Variants in MID1 observed in about 807,000 individuals in gnomAD.
The protein encoded by MID1 is E3 ubiquitin-protein ligase Midline-1.
Under a neutral mutation model 40.4 loss-of-function variants are expected in MID1, and 7 were observed. The ratio of observed to expected loss-of-function variants is 0.17; its 90% CI spans 0.10 to 0.33. The LOEUF (loss-of-function observed/expected upper bound fraction) is 0.33, where lower values mean the gene tolerates loss of function less well. Ranked by LOEUF, MID1 falls within the 10% of genes least tolerant of loss-of-function variation. The pLI is 1.00. For synonymous variants in MID1, 229 were observed against 221.2 expected (o/e 1.04, Z -0.31); for missense variants, 367 against 558.5 (o/e 0.66, Z 3.46).
intron 2 of MID1, among the ~76,000 whole-genome samples, chrX:10,526,467 T>A (rs1932835166): frequency 8.9e-6 from 1 of 111,787 alleles, no homozygotes; most frequent in South Asian, 3.7e-4. Context: ...TTGTCAACTT[T>A]TTTGGTATGT....
At chrX:10,812,879 C>A (rs771645527) in intron 1 of MID1, among the ~76,000 whole-genome samples, 14 of 111,048 alleles carry the variant, frequency 1.3e-4, no homozygotes, top group Non-Finnish European at 2.5e-4. Context: ...GCCACTCTCC[C>A]TGTGTGTTTT....
chrX:10,456,839 A>AAAAAT lies in MID1; in HGVS notation c.1448-1767_1448-1763dup, dbSNP rs1354852880. On this transcript the variant is annotated intron_variant, in intron 8 of 9. Transcript: ENST00000317552. Reference sequence around the variant, plus strand: ...GCAACAGAGTGAGGCACTGTCTCAAAAAAATAACAATAAAAAAGAAAAGAA... The same window carrying AAAAAT: ...GCAACAGAGTGAGGCACTGTCTCAAAAAAATAAAATAACAATAAAAAAGAAAAGAA... Among the ~76,000 whole-genome samples, 6 of 111,270 alleles carry AAAAAT rather than the reference A, an allele frequency of 5.4e-5. No homozygotes were observed. The East Asian group carries it at 1.7e-3, about 31-fold the overall frequency.
chrX:10,459,584 CAG>C, intron 8 of MID1, 60 bp downstream of exon 8: 1 of 1,130,947 alleles, frequency 8.8e-7, no homozygotes, highest in African/African-American at 1.8e-5. Flanking sequence ...GAAAGGGGGA[CAG>C]AGTCAGCTGA....
intron 1 of MID1, among the ~76,000 whole-genome samples, chrX:10,695,650 T>TA (rs2043158386): frequency 1.8e-5 from 2 of 112,095 alleles, no homozygotes; most frequent in Non-Finnish European, 3.8e-5. Context: ...CCTTGTCAAT[T>TA]AAACTCTTTC....
chrX:10,692,601 G>A (rs2043138378), intron 1 of MID1, among the ~76,000 whole-genome samples: 1 of 110,004 alleles, frequency 9.1e-6, no homozygotes, highest in South Asian at 3.9e-4. Context: ...CGGGCAACAA[G>A]AATGAAACTC....
intron 1 of MID1, among the ~76,000 whole-genome samples, chrX:10,588,560 T>G (rs776330999): frequency 6.6e-4 from 74 of 111,458 alleles, no homozygotes; most frequent in African/African-American, 1.8e-3. Flanking sequence ...TACTGTTGTT[T>G]TTTTTTTTAA....
At chrX:10,642,966 G>A (rs1936218460) in intron 1 of MID1, among the ~76,000 whole-genome samples, 1 of 111,719 alleles carries the variant, frequency 9.0e-6, no homozygotes, top group African/African-American at 3.3e-5. Context: ...GCCATATGTA[G>A]AAAGCTGAAA....
At chrX:10,490,007 T>C (rs1401615231) in intron 4 of MID1, among the ~76,000 whole-genome samples, 1 of 112,057 alleles carries the variant, frequency 8.9e-6, no homozygotes, top group Non-Finnish European at 1.9e-5. Flanking sequence ...TTTTTCAAAG[T>C]TTTAAATGAT....
chrX:10,718,893 A>G (rs1234309693), intron 1 of MID1, among the ~76,000 whole-genome samples: 2 of 112,175 alleles, frequency 1.8e-5, no homozygotes, highest in East Asian at 5.5e-4. Flanking sequence ...CAGGTTCAAC[A>G]TACGCAAATC....
At chrX:10,540,798 T>C (rs1268245574) in intron 2 of MID1, among the ~76,000 whole-genome samples, 2 of 112,009 alleles carry the variant, frequency 1.8e-5, no homozygotes, top group East Asian at 2.8e-4. Context: ...CAGGTTGCTC[T>C]CCCTCCCCAT....
At chrX:10,795,828 A>G (rs889631577) in intron 1 of MID1, among the ~76,000 whole-genome samples, 3 of 112,424 alleles carry the variant, frequency 2.7e-5, no homozygotes, top group Non-Finnish European at 5.6e-5. Context: ...AAGGCCATTA[A>G]TCAGCAAACA....
chrX:10,804,443 G>A lies in MID1; in HGVS notation c.-187+29111C>T, dbSNP rs1190889780. ...TTATGTTGATCTGGCTAGGGGTTAT[G>A]CATGTTTACTGTTTGCTGTAGCTGT... is the stretch of plus-strand genomic sequence containing the variant. On this transcript the variant is annotated intron_variant, in intron 1 of 10. Coordinates refer to the MID1 transcript ENST00000380785. 4.5e-5 allele frequency among the ~76,000 whole-genome samples: 5 copies of A among 111,965 alleles called. No individual in the cohort carries two copies. The East Asian group carries it at 8.5e-4, about 19-fold the overall frequency.
intron 1 of MID1, chrX:10,582,933 AT>A (rs1569115393): frequency 8.9e-6 from 1 of 112,303 alleles, no homozygotes; most frequent in Non-Finnish European, 1.9e-5. Flanking sequence ...TTATTAAAAA[AT>A]ATTAATAAAA....
intron 2 of MID1, among the ~76,000 whole-genome samples, chrX:10,539,215 C>T (rs1160000434): frequency 1.8e-5 from 2 of 112,021 alleles, no homozygotes; most frequent in Non-Finnish European, 3.8e-5. Flanking sequence ...GGAAACTGTA[C>T]TATCAAGATA....
intron 1 of MID1, among the ~76,000 whole-genome samples, chrX:10,817,570 T>G (rs866709530): frequency 1.1e-5 from 1 of 88,305 alleles, no homozygotes; most frequent in Non-Finnish European, 2.2e-5. Flanking sequence ...CTTTCTTTCT[T>G]TCTCTCTTTC....
At chrX:10,453,129 T>C (rs1928446882) in intron 9 of MID1, among the ~76,000 whole-genome samples, 2 of 111,624 alleles carry the variant, frequency 1.8e-5, no homozygotes, top group Non-Finnish European at 3.8e-5. Flanking sequence ...TCTGGCAGGA[T>C]GTTGGAACAG....
intron 1 of MID1, among the ~76,000 whole-genome samples, chrX:10,673,073 G>A (rs2042998950): frequency 8.9e-6 from 1 of 111,931 alleles, no homozygotes; most frequent in South Asian, 3.8e-4. Context: ...AGATAGTGCT[G>A]ACTAAATAAT....
chrX:10,589,630 T>C (rs1935232368), intron 1 of MID1: 3 of 111,371 alleles, frequency 2.7e-5, no homozygotes, highest in South Asian at 3.9e-4. Context: ...TCCTTCCCAG[T>C]GTTCAGCCAC....
chrX:10,520,731 T>C (rs1165143197), intron 3 of MID1, among the ~76,000 whole-genome samples: 1 of 111,654 alleles, frequency 9.0e-6, no homozygotes, highest in Non-Finnish European at 1.9e-5. Context: ...TGCAAATTCA[T>C]CTAAAACAAA....
Sources: allele counts gnomAD v4.1 joint callset (sites outside exome capture counted in the v4.1 genomes callset), GRCh38; gene constraint gnomAD v4.1.1; transcripts MANE v1.5; gene names NCBI Gene and HGNC (gene_info 2026-07-23, HGNC 2026-07-21).